Variants in SLC9A4 observed in about 807,000 individuals in gnomAD.
The protein encoded by SLC9A4 is solute carrier family 9 member A4.
In SLC9A4, 63 loss-of-function variants were observed where a neutral mutation model predicts 67.4. The observed-to-expected ratio is 0.93, with a 90% CI of 0.76 to 1.15. The LOEUF (loss-of-function observed/expected upper bound fraction) is 1.15, where lower values mean the gene tolerates loss of function less well. Ranked by LOEUF, SLC9A4 falls within the 50% of genes most tolerant of loss-of-function variation. The pLI is 0.00. For missense variants in SLC9A4, 1,089 were observed against 987.7 expected, an observed-to-expected ratio of 1.10 and a Z score of -1.38; for synonymous variants, 393 against 367.2, an observed-to-expected ratio of 1.07 and a Z score of -0.80.
chr2:102,514,866 T>C (rs1472476944), intron 8 of SLC9A4, among the ~76,000 whole-genome samples: 4 of 151,848 alleles, frequency 2.6e-5, no homozygotes, highest in Non-Finnish European at 5.9e-5. Flanking sequence ...GAACAGGGAG[T>C]TGTGGAAGCA....
chr2:102,476,003 T>C (rs1684322554), intron 1 of SLC9A4, among the ~76,000 whole-genome samples: 1 of 152,202 alleles, frequency 6.6e-6, no homozygotes, highest in South Asian at 2.1e-4. Context: ...TGAGAACCCA[T>C]GAAATATGTG....
chr2:102,493,243 C>A (rs1224551135), intron 2 of SLC9A4, among the ~76,000 whole-genome samples: 4 of 149,390 alleles, frequency 2.7e-5, no homozygotes, highest in Non-Finnish European at 5.9e-5. Flanking sequence ...GTTCCAAAGT[C>A]ACTTTCACAT....
At chr2:102,510,525 G>A (rs1189538741) in intron 6 of SLC9A4, among the ~76,000 whole-genome samples, 2 of 151,954 alleles carry the variant, frequency 1.3e-5, no homozygotes, top group Non-Finnish European at 2.9e-5. Context: ...GATTATCTGG[G>A]GTCATCTCCC....
chr2:102,475,916 A>G (rs188735133), intron 1 of SLC9A4, among the ~76,000 whole-genome samples: 176 of 152,338 alleles, frequency 1.2e-3, no homozygotes, highest in South Asian at 1.9e-3. Flanking sequence ...TATGTTATAA[A>G]ACATGAATCA....
chr2:102,501,107 C>T (rs1209098057), intron 2 of SLC9A4, among the ~76,000 whole-genome samples: 1 of 150,980 alleles, frequency 6.6e-6, no homozygotes, highest in Non-Finnish European at 1.5e-5. Flanking sequence ...TACAGGCATG[C>T]GCCACCATGC....
intron 4 of SLC9A4, 94 bp from the exon 5 acceptor site, chr2:102,507,985 T>C: frequency 8.4e-7 from 1 of 1,189,870 alleles, no homozygotes. Context: ...GGCTGCATTG[T>C]TTGCAGGGCA....
At chr2:102,474,107 T>C in intron 1 of SLC9A4, 92 bp downstream of exon 1, 1 of 1,438,826 alleles carries the variant, frequency 7.0e-7, no homozygotes, top group Non-Finnish European at 9.4e-7. Flanking sequence ...TAAGAGGATT[T>C]TAACTGTTAC....
At chr2:102,483,997 T>C (rs999859168) in intron 2 of SLC9A4, among the ~76,000 whole-genome samples, 7 of 151,680 alleles carry the variant, frequency 4.6e-5, no homozygotes, top group Admixed American at 4.6e-4. Context: ...AAAGAATGTT[T>C]CTAAAATTGC....
chr2:102,530,358 G>A (rs1347279842), intron 11 of SLC9A4, among the ~76,000 whole-genome samples: 3 of 152,156 alleles, frequency 2.0e-5, no homozygotes, highest in Non-Finnish European at 2.9e-5. Context: ...CCACTGCTCT[G>A]CCTGGAACTG....
intron 2 of SLC9A4, among the ~76,000 whole-genome samples, chr2:102,501,783 C>G (rs1290446523): frequency 4.6e-5 from 7 of 151,782 alleles, no homozygotes; most frequent in Admixed American, 4.6e-4. Flanking sequence ...CACCCAAGAT[C>G]AGTGGTGATA....
chr2:102,494,096 A>G (rs1558663139), intron 2 of SLC9A4, among the ~76,000 whole-genome samples: 1 of 151,978 alleles, frequency 6.6e-6, no homozygotes. Context: ...GTGGTCACAA[A>G]GAAAGGCAAT....
chr2:102,524,972 G>T lies in SLC9A4; in HGVS notation c.1819-52G>T. The stretch of plus-strand genomic sequence containing the variant: ...TGATGTTTCCATGGCTTCCTTGGCT[G>T]AAAGTTGTATGGAGGAGTCCTTACG... On this transcript the variant is annotated intron_variant, in intron 9 of 11. Coordinates refer to ENST00000295269, the MANE Select transcript of SLC9A4 (RefSeq NM_001011552.4). 3 of 1,606,856 alleles carry T rather than the reference G, an allele frequency of 1.9e-6. No homozygotes were observed. The South Asian group carries it at 3.3e-5, about 18-fold the overall frequency.
In SLC9A4 at chr2:102,530,784, A is replaced by G. The variant is rs532658674; in HGVS notation, c.2039-1546A>G. On this transcript the variant is annotated intron_variant, in intron 11 of 11. Coordinates refer to ENST00000295269, the MANE Select transcript of SLC9A4 (RefSeq NM_001011552.4). ...TCAGGGAAAAAAAATGGACAGATAT[A>G]TAGATATATTAATTAATGTTTTCTT... Among the ~76,000 whole-genome samples the G allele has an allele frequency of 1.0e-3, 158 of 152,320 alleles. 2 individuals are homozygous for G. In the South Asian group the frequency reaches 0.019, roughly 19 times the overall value.
chr2:102,521,939 C>T (rs1413619012), intron 9 of SLC9A4, among the ~76,000 whole-genome samples: 1 of 152,190 alleles, frequency 6.6e-6, no homozygotes, highest in African/African-American at 2.4e-5. Flanking sequence ...GCTGGCCCTG[C>T]TGGGTCTGTT....
intron 2 of SLC9A4, among the ~76,000 whole-genome samples, chr2:102,486,357 C>G (rs575879559): frequency 1.2e-4 from 19 of 152,282 alleles, no homozygotes; most frequent in Non-Finnish European, 2.6e-4. Context: ...TGTTATTCAT[C>G]CAAGTCCACC....
At chr2:102,484,130 G>C (rs1242673641) in intron 2 of SLC9A4, among the ~76,000 whole-genome samples, 1 of 152,014 alleles carries the variant, frequency 6.6e-6, no homozygotes, top group Non-Finnish European at 1.5e-5. Flanking sequence ...TAAGAGGCAT[G>C]ACCAAGTGCC....
chr2:102,524,423 A>G (rs776857476), intron 9 of SLC9A4, among the ~76,000 whole-genome samples: 2 of 152,222 alleles, frequency 1.3e-5, no homozygotes, highest in South Asian at 2.1e-4. Flanking sequence ...GGGGTAAAGG[A>G]CAAGGAAGAC....
intron 10 of SLC9A4, among the ~76,000 whole-genome samples, chr2:102,525,412 G>A (rs545442661): frequency 6.6e-6 from 1 of 151,826 alleles, no homozygotes; most frequent in South Asian, 2.1e-4. Context: ...CACACTTGGT[G>A]TGCTATGAGT....
At chr2:102,489,070 G>A (rs1413914322) in intron 2 of SLC9A4, among the ~76,000 whole-genome samples, 2 of 152,174 alleles carry the variant, frequency 1.3e-5, no homozygotes, top group Non-Finnish European at 2.9e-5. Context: ...AAATCTATCA[G>A]TTACAACTGA....
Sources: gnomAD v4.1 joint callset for allele counts (sites outside exome capture counted in the v4.1 genomes callset) on GRCh38, gnomAD v4.1.1 for gene constraint, MANE v1.5 for transcripts, NCBI Gene and HGNC (gene_info 2026-07-23, HGNC 2026-07-21) for gene names.